The following CACNA1B variants were observed in gnomAD, a reference collection of about 807,000 sequenced individuals.
The protein encoded by CACNA1B is calcium voltage-gated channel subunit alpha1 B.
A neutral mutation model predicts 247.2 loss-of-function variants in CACNA1B; 70 were observed. The ratio of observed to expected loss-of-function variants is 0.28; its 90% CI spans 0.23 to 0.35. The LOEUF (loss-of-function observed/expected upper bound fraction) is 0.35. Among genes scored for constraint, CACNA1B ranks in the 10% least tolerant of loss-of-function variants. The pLI is 1.00. For missense variants in CACNA1B, 2,367 were observed against 3,197.4 expected (o/e 0.74, Z 6.26); for synonymous variants, 1,231 against 1,294.4 (o/e 0.95, Z 1.05).
At chr9:137,933,845 G>C (rs1400023503) in intron 6 of CACNA1B, among the ~76,000 whole-genome samples, 1 of 152,132 alleles carries the variant, frequency 6.6e-6, no homozygotes, top group Non-Finnish European at 1.5e-5. Context: ...CTGATTGCTA[G>C]TAAGACATGG....
chr9:137,928,651 C>T (rs892679727), intron 6 of CACNA1B, among the ~76,000 whole-genome samples: 1 of 152,048 alleles, frequency 6.6e-6, no homozygotes, highest in African/African-American at 2.4e-5. Flanking sequence ...ATAAAATTCA[C>T]CATTTTAAAG....
chr9:137,896,989 A>AT (rs1241195739), intron 3 of CACNA1B, among the ~76,000 whole-genome samples: 1 of 151,608 alleles, frequency 6.6e-6, no homozygotes, highest in Non-Finnish European at 1.5e-5. Context: ...TATATTAGTA[A>AT]TTTTTGTCTT....
At chr9:138,001,205 A>G (rs1273423275) in intron 15 of CACNA1B, among the ~76,000 whole-genome samples, 1 of 152,254 alleles carries the variant, frequency 6.6e-6, no homozygotes, top group Non-Finnish European at 1.5e-5. Flanking sequence ...ATAGATGCAG[A>G]AAAGTGAAAC....
chr9:137,999,661 C>T (rs1016603771), intron 15 of CACNA1B, among the ~76,000 whole-genome samples: 3 of 152,118 alleles, frequency 2.0e-5, no homozygotes, highest in Non-Finnish European at 2.9e-5. Flanking sequence ...AGGCACACAC[C>T]ACCATGCCCA....
chr9:137,940,787 A>C (rs920730555), intron 6 of CACNA1B, among the ~76,000 whole-genome samples: 9 of 152,216 alleles, frequency 5.9e-5, no homozygotes, highest in African/African-American at 2.2e-4. Flanking sequence ...AATGTGATAC[A>C]CCACATAAAC....
intron 25 of CACNA1B, among the ~76,000 whole-genome samples, chr9:138,053,028 G>T (rs1290875106): frequency 6.6e-6 from 1 of 152,242 alleles, no homozygotes; most frequent in Non-Finnish European, 1.5e-5. Flanking sequence ...AGGGACCCAA[G>T]AGAAAGCCTC....
At chr9:138,097,486 C>T (rs531499471) in intron 37 of CACNA1B, among the ~76,000 whole-genome samples, 2 of 152,308 alleles carry the variant, frequency 1.3e-5, no homozygotes, top group South Asian at 2.1e-4. Context: ...TTTACTTGCT[C>T]GCTCACTCAC....
Position 138,112,490 on chromosome 9 carries a change from G to C in CACNA1B, c.5521G>C (p.Val1841Leu), listed in dbSNP as rs760262263. 6.2e-7 allele frequency: 1 copy of C among 1,607,824 alleles called. No individual in the cohort carries two copies. The highest frequency in any genetic ancestry group is 2.2e-5 in the East Asian group (1 of 44,858). Residue 1841 changes from valine to leucine, a missense_variant, in exon 40 of 47, where the codon GTA becomes CTA. Transcript: ENST00000371372. ...GCCCCAGAAGACTTTGGACTTGCTG[G>C]TACCACCCCATAAGCGTAAGTGTGA... The part of the protein sequence containing the change: ...NLPQKTLDLL[V>L]PPHKPDEMTV...
intron 19 of CACNA1B, among the ~76,000 whole-genome samples, chr9:138,024,690 G>A (rs1589076278): frequency 6.6e-6 from 1 of 152,078 alleles, no homozygotes; most frequent in Non-Finnish European, 1.5e-5. Flanking sequence ...GTGCAGTGGC[G>A]CAATCATGGC....
In CACNA1B at chr9:138,052,591, G is replaced by A. The variant is rs1346211851; in HGVS notation, c.3807+403G>A. 2.0e-5 allele frequency among the ~76,000 whole-genome samples: 3 copies of A among 152,168 alleles called. No homozygotes were observed. Among genetic ancestry groups the A allele is most frequent in the Non-Finnish European group, 4.4e-5 (3 of 68,022 alleles). ...ACAGAGAATAAACTCAAACTCATAGGGCCACGCTGAAACCTAGTAATTGTG... is the reference window on the plus strand; with the variant it reads ...ACAGAGAATAAACTCAAACTCATAGAGCCACGCTGAAACCTAGTAATTGTG... On this transcript the variant is annotated intron_variant, in intron 25 of 46. Transcript: ENST00000371372. This position sits in a 1 kb window ranked among gnomAD's most constrained non-coding sequence, Gnocchi z 5.1.
chr9:138,006,700 G>T (rs1958655776), intron 15 of CACNA1B, 67 bp from the exon 16 acceptor site: 2 of 838,646 alleles, frequency 2.4e-6, no homozygotes, highest in Non-Finnish European at 4.1e-6. Flanking sequence ...ACTCATGTGG[G>T]TGGGGGTGCG....
rs1334962286 is a variant in CACNA1B at position 138,051,300 on chromosome 9, G to A, written c.3711-792G>A. Among the ~76,000 whole-genome samples, 2 of 151,830 alleles carry A rather than the reference G, an allele frequency of 1.3e-5. No homozygotes were observed. Among genetic ancestry groups the A allele is most frequent in the African/African-American group, 4.8e-5 (2 of 41,338 alleles). ...GGTCTGTCCTGGCTTTTTCTTGGAG[G>A]GGCCCTGATTGAGGCCCTCTGGTTC... On this transcript the variant is annotated intron_variant, in intron 24 of 46. Transcript: ENST00000371372. This position sits in a 1 kb window ranked among gnomAD's most constrained non-coding sequence, Gnocchi z 4.3.
At chr9:138,040,481 C>A in intron 20 of CACNA1B, 1 of 210,126 alleles carries the variant, frequency 4.8e-6, no homozygotes, top group Non-Finnish European at 9.3e-6. Flanking sequence ...TCCTATATAT[C>A]ATATATATAT....
intron 36 of CACNA1B, among the ~76,000 whole-genome samples, chr9:138,094,027 C>G (rs1231863476): frequency 6.6e-6 from 1 of 152,172 alleles, no homozygotes; most frequent in East Asian, 1.9e-4. Context: ...ACACCAGTTT[C>G]CATCAACAGA....
At chr9:138,044,025 A>C in intron 21 of CACNA1B, 125 bp downstream of exon 21, 2 of 1,294,828 alleles carry the variant, frequency 1.5e-6, no homozygotes, top group African/African-American at 1.5e-5. Flanking sequence ...TCTAAATCCC[A>C]TGGCAGACCC....
At chr9:138,064,449 C>T (rs1024637486) in intron 31 of CACNA1B, among the ~76,000 whole-genome samples, 1 of 152,210 alleles carries the variant, frequency 6.6e-6, no homozygotes, top group African/African-American at 2.4e-5. Flanking sequence ...CATGTTTGTC[C>T]ATGGTGGTGG....
intron 6 of CACNA1B, among the ~76,000 whole-genome samples, chr9:137,922,826 T>C (rs1463042524): frequency 6.6e-6 from 1 of 152,178 alleles, no homozygotes. Flanking sequence ...GTTAGGATAT[T>C]GATGTTGATA....
Position 138,077,305 on chromosome 9 carries a change from G to A in CACNA1B, c.4950-809G>A, listed in dbSNP as rs913428096. On this transcript the variant is annotated intron_variant, in intron 35 of 46. Coordinates refer to ENST00000371372, the MANE Select transcript of CACNA1B (RefSeq NM_000718.4). ...AGCCCCCGGTGCTGGCTGTGTCCAG[G>A]AACAGACTCCGTGCAGGAGCATCCA... Among the ~76,000 whole-genome samples, 8 of 152,348 alleles carry A rather than the reference G, an allele frequency of 5.3e-5. 1 individual carries two copies. In the South Asian group the frequency reaches 1.2e-3, roughly 24 times the overall value.
At chr9:137,925,219 C>T (rs191799296) in intron 6 of CACNA1B, among the ~76,000 whole-genome samples, 46 of 152,256 alleles carry the variant, frequency 3.0e-4, no homozygotes, top group African/African-American at 8.9e-4. Flanking sequence ...GAGTGGGGAG[C>T]GCCATCCTCC....
Sources: gnomAD v4.1 joint callset for allele counts (sites outside exome capture counted in the v4.1 genomes callset) on GRCh38, gnomAD v4.1.1 for gene constraint, Gnocchi (gnomAD v3.1) non-coding constraint, MANE v1.5 for transcripts, NCBI Gene and HGNC (gene_info 2026-07-23, HGNC 2026-07-21) for gene names.